DPP10: variants seen among roughly 807,000 people sequenced by gnomAD.
The protein encoded by DPP10 is dipeptidyl peptidase like 10.
Under a neutral mutation model 120.9 loss-of-function variants are expected in DPP10, and 33 were observed. The ratio of observed to expected loss-of-function variants is 0.27; its 90% CI spans 0.21 to 0.37. DPP10 has a LOEUF of 0.37. DPP10 is among the 10% of genes least tolerant of loss of function. The pLI is 1.00. For missense variants in DPP10, 816 were observed against 942.8 expected (o/e 0.87, Z 1.76); for synonymous variants, 337 against 326.1 (o/e 1.03, Z -0.36).
chr2:114,717,922 A>G (rs72830371), intron 1 of DPP10, among the ~76,000 whole-genome samples: 1,712 of 152,318 alleles, frequency 0.011, 13 homozygotes, highest in Middle Eastern at 0.034. Flanking sequence ...CTGATGAGAC[A>G]TATTGTAAGA....
chr2:114,488,245 G>C (rs996128388), intron 1 of DPP10, among the ~76,000 whole-genome samples: 6 of 152,190 alleles, frequency 3.9e-5, no homozygotes, highest in African/African-American at 1.4e-4. Flanking sequence ...AACGGGACAG[G>C]GGTGTGGGAC....
chr2:114,700,757 G>T (rs1240905104), intron 1 of DPP10, among the ~76,000 whole-genome samples: 1 of 152,040 alleles, frequency 6.6e-6, no homozygotes, highest in Non-Finnish European at 1.5e-5. Context: ...AGCAGATCCA[G>T]CTCTTTTGTA....
chr2:115,244,789 A>ATG (rs199538711), intron 1 of DPP10, among the ~76,000 whole-genome samples: 3,849 of 150,582 alleles, frequency 0.026, 63 homozygotes, highest in Admixed American at 0.047. Context: ...CTATATATAT[A>ATG]TGTGTGTGTG....
At chr2:115,223,165 A>T (rs1209352736) in intron 1 of DPP10, among the ~76,000 whole-genome samples, 1 of 152,164 alleles carries the variant, frequency 6.6e-6, no homozygotes, top group Non-Finnish European at 1.5e-5. Context: ...GGTATTAACA[A>T]GAGTAAAGAC....
intron 21 of DPP10, among the ~76,000 whole-genome samples, chr2:115,818,739 G>C (rs1383681938): frequency 6.6e-6 from 1 of 152,138 alleles, no homozygotes; most frequent in East Asian, 1.9e-4. Context: ...TAGAAGCTCA[G>C]CATATAAACC....
chr2:115,263,931 A>G (rs1222225788), intron 1 of DPP10, among the ~76,000 whole-genome samples: 1 of 152,098 alleles, frequency 6.6e-6, no homozygotes, highest in East Asian at 1.9e-4. Context: ...TAGATTTTGT[A>G]TGTTTGAATT....
intron 5 of DPP10, among the ~76,000 whole-genome samples, chr2:115,578,764 GAC>G (rs1282464100): frequency 6.6e-6 from 1 of 152,174 alleles, no homozygotes; most frequent in Non-Finnish European, 1.5e-5. Context: ...CTAAGGCACT[GAC>G]ATACAGAGTA....
intron 1 of DPP10, among the ~76,000 whole-genome samples, chr2:114,601,833 G>T (rs945261318): frequency 1.3e-5 from 2 of 151,884 alleles, no homozygotes; most frequent in Non-Finnish European, 1.5e-5. Flanking sequence ...CTTCATAGTT[G>T]GGAGTGCCAC....
intron 1 of DPP10, among the ~76,000 whole-genome samples, chr2:114,872,972 T>G (rs1028472969): frequency 6.6e-6 from 1 of 152,206 alleles, no homozygotes; most frequent in Admixed American, 6.5e-5. Flanking sequence ...CTGTGAACTC[T>G]TTAAAACGGC....
intron 1 of DPP10, among the ~76,000 whole-genome samples, chr2:115,000,058 C>A (rs576698749): frequency 6.6e-6 from 1 of 151,760 alleles, no homozygotes; most frequent in Non-Finnish European, 1.5e-5. Context: ...TCATGACCAT[C>A]CCTAAACTCA....
At position 114,844,857 on chromosome 2, in the gene DPP10, A is replaced by C. The variant is rs141688047; in HGVS notation, c.60+402019A>C. ...TACATAGAGTTAGGGGTGGGAGAGA[A>C]TAATAGCAGAAGGATAATGTTCACT... On this transcript the variant is annotated intron_variant, in intron 1 of 25. Transcript: ENST00000410059. Among the ~76,000 whole-genome samples the C allele has an allele frequency of 3.4e-3, 521 of 152,268 alleles. 15 individuals are homozygous for C. The highest frequency in any genetic ancestry group is 0.031 in the Admixed American group (473 of 15,262).
chr2:115,159,554 A>G (rs1410391979), intron 1 of DPP10, among the ~76,000 whole-genome samples: 1 of 152,208 alleles, frequency 6.6e-6, no homozygotes, highest in Non-Finnish European at 1.5e-5. Flanking sequence ...CATTAAAAAA[A>G]TAAAAACAGT....
At chr2:115,132,575 C>A (rs764380962) in intron 1 of DPP10, among the ~76,000 whole-genome samples, 1 of 152,050 alleles carries the variant, frequency 6.6e-6, no homozygotes, top group Non-Finnish European at 1.5e-5. Flanking sequence ...CACAAGGATT[C>A]TTTTTTGTCA....
chr2:114,604,212 A>G (rs1288951372), intron 1 of DPP10, among the ~76,000 whole-genome samples: 5 of 152,036 alleles, frequency 3.3e-5, no homozygotes, highest in African/African-American at 1.2e-4. Context: ...TATGGTTTGC[A>G]TAAACAGGCA....
intron 5 of DPP10, among the ~76,000 whole-genome samples, chr2:115,598,966 T>A (rs1011641699): frequency 1.3e-5 from 2 of 151,912 alleles, no homozygotes; most frequent in South Asian, 2.1e-4. Context: ...CTTTATTTAT[T>A]TATTTTTTAC....
At chr2:115,759,350 G>T (rs1185847251) in intron 11 of DPP10, among the ~76,000 whole-genome samples, 2 of 150,630 alleles carry the variant, frequency 1.3e-5, no homozygotes, top group Non-Finnish European at 2.9e-5. Context: ...TTTGAGCCAA[G>T]AGTTCAAGAC....
intron 1 of DPP10, among the ~76,000 whole-genome samples, chr2:115,280,319 A>G (rs753252119): frequency 6.6e-6 from 1 of 152,204 alleles, no homozygotes; most frequent in South Asian, 2.1e-4. Flanking sequence ...CAGTTTATCT[A>G]TTTAAAAAAT....
chr2:115,368,794 TTTTAATTTTAA>T (rs2065229697), intron 3 of DPP10, among the ~76,000 whole-genome samples: 1 of 151,474 alleles, frequency 6.6e-6, no homozygotes, highest in Non-Finnish European at 1.5e-5. Context: ...TTAATTTTAA[TTTTAATTTTAA>T]TTTAATTTAA....
At chr2:115,145,533 T>A (rs2051176174) in intron 1 of DPP10, among the ~76,000 whole-genome samples, 1 of 152,224 alleles carries the variant, frequency 6.6e-6, no homozygotes, top group African/African-American at 2.4e-5. Context: ...ATACCACACT[T>A]TATTCATCCA....
Sources: allele counts gnomAD v4.1 joint callset (sites outside exome capture counted in the v4.1 genomes callset), GRCh38; gene constraint gnomAD v4.1.1; transcripts MANE v1.5; gene names NCBI Gene and HGNC (gene_info 2026-07-23, HGNC 2026-07-21).